NOVA2: variants seen among roughly 807,000 people sequenced by gnomAD.
The protein encoded by NOVA2 is NOVA alternative splicing regulator 2.
NOVA2 carries 9 observed loss-of-function variants against 22.5 expected under a neutral mutation model. That is an observed-to-expected ratio of 0.40 (90% CI 0.24 to 0.70). The LOEUF (loss-of-function observed/expected upper bound fraction) is 0.70, where lower values mean the gene tolerates loss of function less well. NOVA2 is among the 30% of genes least tolerant of loss of function. The pLI is 0.38. For synonymous variants in NOVA2, 318 were observed against 335.2 expected (o/e 0.95, Z 0.56); for missense variants, 383 against 682.8 (o/e 0.56, Z 4.89).
At chr19:45,950,336 T>A (rs571928414) in intron 3 of NOVA2, among the ~76,000 whole-genome samples, 183 of 151,948 alleles carry the variant, frequency 1.2e-3, no homozygotes, top group Non-Finnish European at 2.3e-3. Context: ...TTTTTTTGTA[T>A]TTTTAGTAGA....
At chr19:45,961,771 C>G (rs930636040) in intron 1 of NOVA2, among the ~76,000 whole-genome samples, 1 of 152,168 alleles carries the variant, frequency 6.6e-6, no homozygotes, top group Non-Finnish European at 1.5e-5. Flanking sequence ...TTGTAGGTGG[C>G]AGAGCTGAGA....
chr19:45,951,673 T>C (rs1003390560), intron 3 of NOVA2, among the ~76,000 whole-genome samples: 5 of 151,256 alleles, frequency 3.3e-5, no homozygotes, highest in African/African-American at 1.2e-4. Flanking sequence ...CGTGTTCACC[T>C]GTAGTCCCAG....
chr19:45,945,820 T>TTTA (rs1215969204), intron 3 of NOVA2, among the ~76,000 whole-genome samples: 34 of 149,992 alleles, frequency 2.3e-4, no homozygotes, highest in Admixed American at 3.3e-4. Flanking sequence ...TCTCCCTGAC[T>TTTA]TTATTATTAT....
chr19:45,943,424 G>A (rs1967791050), intron 3 of NOVA2, among the ~76,000 whole-genome samples: 1 of 150,996 alleles, frequency 6.6e-6, no homozygotes, highest in African/African-American at 2.4e-5. Context: ...TTAAATCTCT[G>A]AGCCCACGTC....
At chr19:45,942,279 G>A (rs763775395) in intron 3 of NOVA2, among the ~76,000 whole-genome samples, 3 of 152,150 alleles carry the variant, frequency 2.0e-5, no homozygotes, top group Non-Finnish European at 4.4e-5. Context: ...GGGGTCATTA[G>A]GGCGGGCCCT....
chr19:45,954,842 G>A (rs1967979729), intron 2 of NOVA2, among the ~76,000 whole-genome samples: 1 of 145,632 alleles, frequency 6.9e-6, no homozygotes, highest in African/African-American at 2.6e-5. Flanking sequence ...GTGTGTCTGC[G>A]AGGCTGGTGA....
chr19:45,945,593 C>T (rs1003425476), intron 3 of NOVA2, among the ~76,000 whole-genome samples: 16 of 152,000 alleles, frequency 1.1e-4, no homozygotes, highest in African/African-American at 3.9e-4. Flanking sequence ...GCATGAGCCC[C>T]CATACTGGGC....
chr19:45,972,794 G>A (rs1330531715), intron 1 of NOVA2, among the ~76,000 whole-genome samples: 2 of 151,970 alleles, frequency 1.3e-5, no homozygotes, highest in South Asian at 2.1e-4. Context: ...CGCACGATCC[G>A]GCCAGGGCCA....
At chr19:45,951,887 G>A (rs1967931789) in intron 3 of NOVA2, among the ~76,000 whole-genome samples, 6 of 152,138 alleles carry the variant, frequency 3.9e-5, no homozygotes, top group Admixed American at 3.9e-4. Context: ...AAATTTGGAA[G>A]ATGTGGTAGC....
chr19:45,941,047 T>C, intron 3 of NOVA2, 102 bp from the exon 4 acceptor site: 2 of 1,134,234 alleles, frequency 1.8e-6, no homozygotes, highest in Non-Finnish European at 2.4e-6. Flanking sequence ...CCCAGCACTT[T>C]GGGGGGCTGA....
Position 45,940,621 on chromosome 19 carries a change from C to CG in NOVA2, c.720dup (p.Ala241ArgfsTer44). The CG allele has an allele frequency of 6.9e-7, 1 of 1,449,318 alleles. No homozygotes were observed. Among genetic ancestry groups the CG allele is most frequent in the Non-Finnish European group, 9.0e-7 (1 of 1,114,068 alleles). The allele number at this position is 1,449,318 out of a possible 1,614,324, so 89.8% of individuals were successfully genotyped here. Reference sequence around the variant, plus strand: ...GCGGCGGCGGCCGACGCTGCGGCCGCGGCTGGCAGCACATCCGCGGGGCTG... The same window carrying CG: ...GCGGCGGCGGCCGACGCTGCGGCCGCGGGCTGGCAGCACATCCGCGGGGCTG... On this transcript the variant is annotated frameshift_variant, in exon 4 of 4. Transcript: ENST00000263257. LOFTEE classifies it low-confidence loss of function (END_TRUNC).
rs1026859303 is a variant in NOVA2 at position 45,960,991 on chromosome 19, G to A, written c.229+19C>T. 2 of 1,566,790 alleles carry A rather than the reference G, an allele frequency of 1.3e-6. No individual in the cohort carries two copies. Among genetic ancestry groups the A allele is most frequent in the Non-Finnish European group, 1.7e-6 (2 of 1,155,374 alleles). ...GGAAGGGCGGGGGGCCTAGGGCAGAGACCTGGGCCGGGGCTCACCGGGGTA... is the reference window on the plus strand; with the variant it reads ...GGAAGGGCGGGGGGCCTAGGGCAGAAACCTGGGCCGGGGCTCACCGGGGTA... On this transcript the variant is annotated intron_variant, in intron 2 of 3. Coordinates refer to ENST00000263257, the MANE Select transcript of NOVA2 (RefSeq NM_002516.4).
chr19:45,957,222 T>C (rs893610181), intron 2 of NOVA2, among the ~76,000 whole-genome samples: 2 of 151,620 alleles, frequency 1.3e-5, no homozygotes, highest in Non-Finnish European at 2.9e-5. Context: ...CTGGGCAATA[T>C]AGCGAGACCC....
In NOVA2 at chr19:45,951,613, C is replaced by T. The variant is rs556443582; in HGVS notation, c.396+2167G>A. ...ATCCTGGGCAACAAGAGCAAAACTC[C>T]GTTTCAAAAAAAAAAAAAAGAAAAG... On this transcript the variant is annotated intron_variant, in intron 3 of 3. Coordinates refer to ENST00000263257, the MANE Select transcript of NOVA2 (RefSeq NM_002516.4). Among the ~76,000 whole-genome samples the T allele has an allele frequency of 3.6e-3, 476 of 132,326 alleles. 3 individuals carry two copies. Among genetic ancestry groups the T allele is most frequent in the African/African-American group, 0.013 (454 of 35,490 alleles). The allele number at this position is 132,326 out of a possible 152,430, so 86.8% of individuals were successfully genotyped here.
chr19:45,973,162 T>TC, intron 1 of NOVA2, 105 bp downstream of exon 1: 1 of 366,420 alleles, frequency 2.7e-6, no homozygotes, highest in Admixed American at 5.3e-5. Flanking sequence ...GGGGTGTCTC[T>TC]CCCCTCCCCA....
At chr19:45,941,284 A>G (rs1349874864) in intron 3 of NOVA2, among the ~76,000 whole-genome samples, 2 of 145,890 alleles carry the variant, frequency 1.4e-5, no homozygotes, top group Non-Finnish European at 3.0e-5. Context: ...ACAGAGGGAG[A>G]CCCTGTCTCA....
At chr19:45,946,531 G>A (rs1303759449) in intron 3 of NOVA2, among the ~76,000 whole-genome samples, 1 of 152,148 alleles carries the variant, frequency 6.6e-6, no homozygotes, top group Non-Finnish European at 1.5e-5. Context: ...ATACAATAAT[G>A]TAGGAGATTG....
intron 2 of NOVA2, 24 bp downstream of exon 2, chr19:45,960,986 G>T: frequency 6.4e-7 from 1 of 1,563,800 alleles, no homozygotes; most frequent in African/African-American, 1.4e-5. Context: ...GGGGCCTAGG[G>T]CAGAGACCTG....
chr19:45,955,302 A>G (rs1482440982), intron 2 of NOVA2, among the ~76,000 whole-genome samples: 8 of 152,154 alleles, frequency 5.3e-5, no homozygotes, highest in African/African-American at 1.9e-4. Context: ...TACAGGAGAC[A>G]GGAAAGACCC....
Sources: allele counts gnomAD v4.1 joint callset (sites outside exome capture counted in the v4.1 genomes callset), GRCh38; gene constraint gnomAD v4.1.1; transcripts MANE v1.5; gene names NCBI Gene and HGNC (gene_info 2026-07-23, HGNC 2026-07-21).